TBX15: variants seen among roughly 807,000 people sequenced by gnomAD.
TBX15 encodes T-box transcription factor 15, also known as T-box transcription factor TBX15.
TBX15 carries 18 observed loss-of-function variants against 53.9 expected under a neutral mutation model. The observed-to-expected ratio is 0.33, with a 90% confidence interval of 0.23 to 0.49. The LOEUF (loss-of-function observed/expected upper bound fraction) is 0.49, where lower values mean the gene tolerates loss of function less well. Ranked by LOEUF, TBX15 falls within the 20% of genes least tolerant of loss-of-function variation. The probability of loss-of-function intolerance (pLI) is 0.98; values close to 1 mark genes in which losing one functional copy is unlikely to be tolerated. For synonymous variants in TBX15, 295 were observed against 278.0 expected, an observed-to-expected ratio of 1.06 and a Z score of -0.61; for missense variants, 692 against 749.5, an observed-to-expected ratio of 0.92 and a Z score of 0.90.
At position 118,888,958 on chromosome 1, in the gene TBX15, G is replaced by A. The variant is rs150555286; in HGVS notation, c.1025-3442C>T. Among the ~76,000 whole-genome samples the A allele has an allele frequency of 2.7e-3, 413 of 152,232 alleles. 2 individuals carry two copies. Among genetic ancestry groups the A allele is most frequent in the Middle Eastern group, 0.014 (4 of 292 alleles). On this transcript the variant is annotated intron_variant, in intron 7 of 7. Coordinates refer to ENST00000369429, the MANE Select transcript of TBX15 (RefSeq NM_001330677.2). The stretch of plus-strand genomic sequence containing the variant: ...GGGTGGAACTATTAACAAGTTACAG[G>A]GATTTCTGCTGACCAGATGAGAGGC...
chr1:118,972,717 A>T (rs1260538970), intron 1 of TBX15, among the ~76,000 whole-genome samples: 9 of 152,024 alleles, frequency 5.9e-5, no homozygotes, highest in Non-Finnish European at 1.3e-4. Context: ...TCCTGCCCTC[A>T]GCCTCCCAAG....
rs1025615592 is a variant in TBX15, at chr1:118,967,923, C to T, written c.205+19668G>A. Among the ~76,000 whole-genome samples, 3 of 152,206 alleles carry T rather than the reference C, an allele frequency of 2.0e-5. No individual in the cohort carries two copies. The South Asian group carries it at 6.2e-4, about 31-fold the overall frequency. The stretch of plus-strand genomic sequence containing the variant: ...CTCATTTGCTTAGGGAGCCTGTAAT[C>T]AGACATTACTTACTCCTCTCACGTT... On this transcript the variant is annotated intron_variant, in intron 1 of 7. Transcript: ENST00000369429.
chr1:118,885,706 C>T lies in TBX15; in HGVS notation c.1025-190G>A, dbSNP rs77347504. On this transcript the variant is annotated intron_variant, in intron 7 of 7. Transcript: ENST00000369429. ...ACCTGTGGACATATACACAGTCATA[C>T]AGTCTCTCACACACACACACACACA... Among the ~76,000 whole-genome samples, 10,731 of 151,224 alleles carry T rather than the reference C, an allele frequency of 0.071. 529 individuals carry two copies. The highest frequency in any genetic ancestry group is 0.17 in the East Asian group (859 of 5,162).
chr1:118,957,748 T>C, intron 1 of TBX15, among the ~76,000 whole-genome samples: 1 of 152,218 alleles, frequency 6.6e-6, no homozygotes, highest in Non-Finnish European at 1.5e-5. Context: ...CGCGATAGTT[T>C]GCTGAGAATG....
chr1:118,923,691 A>T (rs983193881), intron 4 of TBX15, 88 bp from the exon 5 acceptor site: 21 of 1,501,440 alleles, frequency 1.4e-5, no homozygotes, highest in Non-Finnish European at 1.9e-5. Flanking sequence ...AAGTTGAAGC[A>T]CTATAGGAAA....
At chr1:118,980,148 G>A (rs1657599328) in intron 1 of TBX15, among the ~76,000 whole-genome samples, 1 of 152,208 alleles carries the variant, frequency 6.6e-6, no homozygotes, top group Non-Finnish European at 1.5e-5. Flanking sequence ...GGAAGAATTG[G>A]ACGTTTTCAT....
intron 1 of TBX15, among the ~76,000 whole-genome samples, chr1:118,968,856 G>A (rs1260987392): frequency 6.6e-6 from 1 of 152,080 alleles, no homozygotes; most frequent in African/African-American, 2.4e-5. Flanking sequence ...TTTTGAGGAG[G>A]GAGGAGGGAG....
At chr1:118,900,450 C>T (rs780925914) in intron 6 of TBX15, among the ~76,000 whole-genome samples, 2 of 152,172 alleles carry the variant, frequency 1.3e-5, no homozygotes, top group African/African-American at 2.4e-5. Flanking sequence ...AGATGAGCTG[C>T]TGATACGCTG....
chr1:118,929,512 C>T (rs1032202908), intron 2 of TBX15, among the ~76,000 whole-genome samples: 9 of 152,146 alleles, frequency 5.9e-5, no homozygotes. Context: ...GATGTAGTAA[C>T]AACAGTTGAG....
chr1:118,952,753 C>A (rs543018984), intron 1 of TBX15, among the ~76,000 whole-genome samples: 1 of 152,286 alleles, frequency 6.6e-6, no homozygotes, highest in South Asian at 2.1e-4. Context: ...AACTCTTTGA[C>A]TCAGAAAGCT....
chr1:118,886,396 T>C (rs999091235), intron 7 of TBX15, among the ~76,000 whole-genome samples: 1 of 152,126 alleles, frequency 6.6e-6, no homozygotes, highest in Admixed American at 6.5e-5. Flanking sequence ...CCAGGTAACC[T>C]TAGGCACATC....
intron 1 of TBX15, among the ~76,000 whole-genome samples, chr1:118,935,198 A>T (rs913374382): frequency 6.6e-6 from 1 of 152,200 alleles, no homozygotes; most frequent in Non-Finnish European, 1.5e-5. Flanking sequence ...AATCATAGTT[A>T]TAGAAAATAT....
chr1:118,924,591 C>G, intron 4 of TBX15, 55 bp downstream of exon 4: 1 of 1,610,448 alleles, frequency 6.2e-7, no homozygotes, highest in Non-Finnish European at 8.5e-7. Context: ...CTAGCCAGCT[C>G]TAAAGCAAAC....
In TBX15 at chr1:118,885,180, G is replaced by T. The variant is rs1557868375; in HGVS notation, c.1361C>A (p.Pro454His). The T allele has an allele frequency of 1.9e-6, 3 of 1,614,186 alleles. No homozygotes were observed. The highest frequency in any genetic ancestry group is 3.3e-4 in the Middle Eastern group (2 of 6,062). ...PSLISGIPTP[P>H]SLPGNSKMEA... ...CATCTTGCTGTTGCCAGGCAACGAGGGAGGAGTTGGTATTCCTGAGATCAG... is the reference window on the plus strand; with the variant it reads ...CATCTTGCTGTTGCCAGGCAACGAGTGAGGAGTTGGTATTCCTGAGATCAG... Residue 454 changes from proline to histidine, a missense_variant, in exon 8 of 8, where the codon CCC becomes CAC. This residue lies in a region of TBX15 where 375 missense variants were observed against 371.6 expected (regional missense o/e 1.01). Coordinates refer to ENST00000369429, the MANE Select transcript of TBX15 (RefSeq NM_001330677.2).
At chr1:118,888,807 C>A (rs1043396965) in intron 7 of TBX15, among the ~76,000 whole-genome samples, 2 of 151,806 alleles carry the variant, frequency 1.3e-5, no homozygotes, top group East Asian at 3.9e-4. Flanking sequence ...GCAGGAAGTG[C>A]AAGATGGAGC....
chr1:118,923,637 C>T (rs766081546), intron 4 of TBX15, 34 bp from the exon 5 acceptor site: 2 of 1,613,386 alleles, frequency 1.2e-6, no homozygotes, highest in Middle Eastern at 3.3e-4. Flanking sequence ...CCAGGCTTGG[C>T]TTTAAGGAAC....
chr1:118,883,275 T>C lies in TBX15; in HGVS notation c.*1457A>G, dbSNP rs1277692096. 1 of 152,666 alleles carries C rather than the reference T, an allele frequency of 6.6e-6. No homozygotes were observed. Among genetic ancestry groups the C allele is most frequent in the Non-Finnish European group, 1.5e-5 (1 of 68,048 alleles). The allele number at this position is 152,666 out of a possible 1,614,324, so 9.5% of individuals were successfully genotyped here. A position where few individuals can be genotyped will look rare whatever the true frequency, so the allele number is the denominator to read the frequency against. ...TTAATAATATCTGTATTATTTTACT[T>C]GGTATTATTTGCATTTCCACACCAT... On this transcript the variant is annotated 3_prime_UTR_variant, in exon 8 of 8. Transcript: ENST00000369429.
At position 118,987,617 on chromosome 1, in the gene TBX15, GC is replaced by G; in HGVS notation, c.178del (p.Ala60ArgfsTer74). 6.5e-7 allele frequency: 1 copy of G among 1,548,944 alleles called. No homozygotes were observed. The highest frequency in any genetic ancestry group is 1.2e-5 in the South Asian group (1 of 84,028). On this transcript the variant is annotated frameshift_variant, in exon 1 of 8. Transcript: ENST00000369429. LOFTEE classifies it high-confidence loss of function. ...AGPLGDTEDA[A>X]AHGLEPHPDS... ...CGGGTGAGGCTCCAGGCCGTGTGCC[GC>G]CGCGTCCTCCGTGTCTCCGAGTGGG...
intron 1 of TBX15, 29 bp downstream of exon 1, chr1:118,987,562 C>A (rs951991231): frequency 1.3e-6 from 2 of 1,536,054 alleles, no homozygotes; most frequent in East Asian, 4.9e-5. Flanking sequence ...TCTCCGCCCG[C>A]CTCCCGCGGT....
Sources: gnomAD v4.1 joint callset for allele counts (sites outside exome capture counted in the v4.1 genomes callset) on GRCh38, gnomAD v4.1.1 for gene constraint, gnomAD v4.1.1 regional missense constraint, MANE v1.5 for transcripts, NCBI Gene and HGNC (gene_info 2026-07-23, HGNC 2026-07-21) for gene names.